The following OSBPL8 variants were observed in gnomAD, a reference collection of about 807,000 sequenced individuals.
The protein encoded by OSBPL8 is oxysterol binding protein like 8.
In OSBPL8, 59 loss-of-function variants were observed where a neutral mutation model predicts 125.5. The ratio of observed to expected loss-of-function variants is 0.47; its 90% CI spans 0.38 to 0.58. The LOEUF (loss-of-function observed/expected upper bound fraction) is 0.58. Ranked by LOEUF, OSBPL8 falls within the 20% of genes least tolerant of loss-of-function variation. The probability of loss-of-function intolerance (pLI) is 0.00; values close to 1 mark genes in which losing one functional copy is unlikely to be tolerated. For synonymous variants in OSBPL8, 330 were observed against 338.9 expected (o/e 0.97, Z 0.29); for missense variants, 758 against 1,047.8 (o/e 0.72, Z 3.82).
intron 5 of OSBPL8, among the ~76,000 whole-genome samples, chr12:76,407,143 A>T (rs1192189529): frequency 1.3e-5 from 2 of 152,256 alleles, no homozygotes; most frequent in Admixed American, 6.5e-5. Context: ...AATTACTCAG[A>T]TAAGAATAAA....
At position 76,371,516 on chromosome 12, in the gene OSBPL8, G is replaced by A. The variant is rs761407028; in HGVS notation, c.1986C>T (p.Asp662=). Residue 662 remains aspartate (D), a synonymous_variant, in exon 19 of 24, where the codon GAC becomes GAT. Transcript: ENST00000261183. The part of the protein sequence containing the change: ...NSEVFWNPTP[D]IKQWRLIRHT... ...GCCTTATTAATCTCCATTGCTTAAT[G>A]TCAGGTGTTGGATTCCAGAAAACCT... 3.7e-6 allele frequency: 6 copies of A among 1,611,266 alleles called. No homozygotes were observed. The highest frequency in any genetic ancestry group is 2.2e-5 in the East Asian group (1 of 44,674).
intron 1 of OSBPL8, among the ~76,000 whole-genome samples, chr12:76,502,227 G>A (rs1879977584): frequency 6.6e-6 from 1 of 152,156 alleles, no homozygotes; most frequent in Admixed American, 6.5e-5. Context: ...CTGAGAATGA[G>A]AGGGAGGAAT....
chr12:76,502,880 T>C (rs1880046085), intron 1 of OSBPL8, among the ~76,000 whole-genome samples: 1 of 152,264 alleles, frequency 6.6e-6, no homozygotes, highest in Admixed American at 6.5e-5. Context: ...TTCCTTATTG[T>C]TTTATGAATA....
At chr12:76,467,123 T>C (rs770902687) in intron 2 of OSBPL8, among the ~76,000 whole-genome samples, 2 of 151,398 alleles carry the variant, frequency 1.3e-5, no homozygotes, top group African/African-American at 2.4e-5. Flanking sequence ...ATCAGTCTTC[T>C]TTATGTATGT....
chr12:76,420,878 AAGG>A (rs1319581162), intron 4 of OSBPL8, among the ~76,000 whole-genome samples: 1 of 152,054 alleles, frequency 6.6e-6, no homozygotes. Flanking sequence ...TGGTTGTATT[AAGG>A]AGATGATGGA....
intron 4 of OSBPL8, among the ~76,000 whole-genome samples, chr12:76,438,275 T>C (rs887740192): frequency 8.7e-5 from 13 of 149,910 alleles, no homozygotes; most frequent in African/African-American, 1.5e-4. Flanking sequence ...CATGAGCCAC[T>C]GCGCCCAGCC....
intron 5 of OSBPL8, among the ~76,000 whole-genome samples, chr12:76,409,571 C>T (rs187909470): frequency 1.2e-3 from 180 of 152,224 alleles, no homozygotes; most frequent in African/African-American, 4.2e-3. Flanking sequence ...AGCCATGAAC[C>T]TTGCAATGGG....
intron 1 of OSBPL8, among the ~76,000 whole-genome samples, chr12:76,518,526 G>C (rs1665081112): frequency 6.6e-6 from 1 of 152,204 alleles, no homozygotes; most frequent in African/African-American, 2.4e-5. Flanking sequence ...CAGTGCCCTA[G>C]AGGGGACTCT....
At chr12:76,425,989 T>C (rs2136533984) in intron 4 of OSBPL8, among the ~76,000 whole-genome samples, 1 of 152,290 alleles carries the variant, frequency 6.6e-6, no homozygotes, top group South Asian at 2.1e-4. Context: ...GCCCTTTCCT[T>C]ACCCAACTAG....
At chr12:76,422,822 T>A (rs1869669409) in intron 4 of OSBPL8, 1 of 256,250 alleles carries the variant, frequency 3.9e-6, no homozygotes, top group South Asian at 4.6e-5. Flanking sequence ...AAATCAGCAA[T>A]AAACAGATAG....
At chr12:76,424,764 T>C (rs1024868702) in intron 4 of OSBPL8, among the ~76,000 whole-genome samples, 1 of 152,098 alleles carries the variant, frequency 6.6e-6, no homozygotes, top group African/African-American at 2.4e-5. Context: ...TAGGTTAAAA[T>C]GGCAAAATGA....
chr12:76,434,783 C>T (rs1240530697), intron 4 of OSBPL8, among the ~76,000 whole-genome samples: 1 of 152,158 alleles, frequency 6.6e-6, no homozygotes, highest in Non-Finnish European at 1.5e-5. Flanking sequence ...CACTAATCAT[C>T]AGGGAAACAC....
chr12:76,521,091 G>A (rs1385539364), intron 1 of OSBPL8, among the ~76,000 whole-genome samples: 3 of 152,096 alleles, frequency 2.0e-5, no homozygotes, highest in Non-Finnish European at 4.4e-5. Context: ...TATATTTTAA[G>A]AATCCAACAG....
chr12:76,496,554 T>C (rs995643006), intron 1 of OSBPL8, among the ~76,000 whole-genome samples: 2 of 151,864 alleles, frequency 1.3e-5, no homozygotes, highest in Non-Finnish European at 2.9e-5. Flanking sequence ...ATTTTTTTTT[T>C]TTTGAGACAG....
At chr12:76,472,955 G>A (rs1224482236) in intron 2 of OSBPL8, among the ~76,000 whole-genome samples, 1 of 152,052 alleles carries the variant, frequency 6.6e-6, no homozygotes, top group Non-Finnish European at 1.5e-5. Context: ...CCCTTTCCTG[G>A]TCTGCTAAGT....
At chr12:76,548,634 A>G (rs1181167112) in intron 1 of OSBPL8, among the ~76,000 whole-genome samples, 1 of 148,254 alleles carries the variant, frequency 6.7e-6, no homozygotes, top group Non-Finnish European at 1.5e-5. Context: ...TAAAGGGCCC[A>G]TACATAGCCT....
chr12:76,424,992 T>C (rs1869977861), intron 4 of OSBPL8, among the ~76,000 whole-genome samples: 1 of 152,132 alleles, frequency 6.6e-6, no homozygotes, highest in African/African-American at 2.4e-5. Flanking sequence ...TAATAAAAAC[T>C]GAAAGTCAAC....
intron 1 of OSBPL8, among the ~76,000 whole-genome samples, chr12:76,505,260 G>T (rs1880300933): frequency 6.6e-6 from 1 of 152,130 alleles, no homozygotes; most frequent in African/African-American, 2.4e-5. Context: ...GCTTTACAGT[G>T]ATCACCAAGT....
intron 13 of OSBPL8, 113 bp from the exon 14 acceptor site, chr12:76,386,379 T>G (rs557063950): frequency 1.4e-6 from 2 of 1,385,702 alleles, no homozygotes; most frequent in South Asian, 3.2e-5. Flanking sequence ...CTTATAAAAT[T>G]TCAAAGTAAA....
Sources: allele counts gnomAD v4.1 joint callset (sites outside exome capture counted in the v4.1 genomes callset), GRCh38; gene constraint gnomAD v4.1.1; transcripts MANE v1.5; gene names NCBI Gene and HGNC (gene_info 2026-07-23, HGNC 2026-07-21).